Variants in DAP3 observed in about 807,000 individuals in gnomAD.
DAP3 encodes the protein small ribosomal subunit protein mS29.
A neutral mutation model predicts 51.9 loss-of-function variants in DAP3; 28 were observed. The observed-to-expected ratio is 0.54, with a 90% CI of 0.40 to 0.74. The LOEUF is 0.74. Among genes scored for constraint, DAP3 ranks in the 30% least tolerant of loss-of-function variants. The probability of loss-of-function intolerance (pLI) is 0.00; values close to 1 mark genes in which losing one functional copy is unlikely to be tolerated. For synonymous variants in DAP3, 170 were observed against 170.3 expected (o/e 1.00, Z 0.01); for missense variants, 458 against 483.5 (o/e 0.95, Z 0.49).
At chr1:155,726,174 C>T (rs1215456085) in intron 6 of DAP3, 155 bp downstream of exon 6, 15 of 556,490 alleles carry the variant, frequency 2.7e-5, no homozygotes, top group South Asian at 2.0e-4. Context: ...AGTGCAGAGG[C>T]GCAATCTCAG....
At chr1:155,698,801 G>C (rs1409840209) in intron 1 of DAP3, among the ~76,000 whole-genome samples, 1 of 152,090 alleles carries the variant, frequency 6.6e-6, no homozygotes, top group Non-Finnish European at 1.5e-5. Flanking sequence ...TCAAATACAT[G>C]GCGTACTTAC....
At chr1:155,719,705 G>C (rs770322368) in intron 3 of DAP3, among the ~76,000 whole-genome samples, 2 of 151,482 alleles carry the variant, frequency 1.3e-5, no homozygotes, top group Non-Finnish European at 2.9e-5. Flanking sequence ...CTGCCACCGT[G>C]CCTGGCTAAT....
At chr1:155,726,141 T>G in intron 6 of DAP3, 122 bp downstream of exon 6, 1 of 842,868 alleles carries the variant, frequency 1.2e-6, no homozygotes, top group Non-Finnish European at 1.8e-6. Flanking sequence ...GAGATGGAGT[T>G]TCGCTCTTGT....
chr1:155,701,052 G>T (rs1311917563), intron 1 of DAP3, among the ~76,000 whole-genome samples: 5 of 93,940 alleles, frequency 5.3e-5, no homozygotes, highest in East Asian at 7.3e-4. Context: ...GGAGGGAGGT[G>T]GGGGGGGGTC....
At chr1:155,737,621 A>G (rs1012854015) in intron 12 of DAP3, among the ~76,000 whole-genome samples, 1 of 152,176 alleles carries the variant, frequency 6.6e-6, no homozygotes, top group Admixed American at 6.6e-5. Flanking sequence ...CTATCACTAG[A>G]TAATAGAGTT....
At chr1:155,704,578 G>A (rs1265188450) in intron 1 of DAP3, among the ~76,000 whole-genome samples, 4 of 152,206 alleles carry the variant, frequency 2.6e-5, no homozygotes, top group Non-Finnish European at 5.9e-5. Flanking sequence ...CAGGCCAGTA[G>A]AGACCATCCC....
chr1:155,688,783 C>A, upstream of DAP3: 2 of 1,540,050 alleles, frequency 1.3e-6, no homozygotes, highest in South Asian at 1.2e-5. Flanking sequence ...ACACTCCTCG[C>A]GCGTGCGCCT....
At chr1:155,704,095 C>T (rs917056126) in intron 1 of DAP3, among the ~76,000 whole-genome samples, 1 of 152,042 alleles carries the variant, frequency 6.6e-6, no homozygotes, top group Non-Finnish European at 1.5e-5. Flanking sequence ...TGCAGTGAGC[C>T]TAGATTGTGC....
intron 1 of DAP3, among the ~76,000 whole-genome samples, chr1:155,700,850 C>T (rs113008265): frequency 1.0e-4 from 7 of 69,874 alleles, no homozygotes; most frequent in African/African-American, 3.2e-4. Context: ...CCCGGCCAGC[C>T]GCCCTGTCCG....
intron 4 of DAP3, among the ~76,000 whole-genome samples, chr1:155,724,679 A>C (rs1216815554): frequency 6.6e-6 from 1 of 151,770 alleles, no homozygotes; most frequent in Admixed American, 6.6e-5. Flanking sequence ...ATTTTAGGCC[A>C]GGTGCAGTGG....
intron 9 of DAP3, among the ~76,000 whole-genome samples, chr1:155,730,543 G>A (rs2149197339): frequency 6.6e-6 from 1 of 152,236 alleles, no homozygotes; most frequent in Non-Finnish European, 1.5e-5. Context: ...TTGAGCCCAA[G>A]AGGCAGAGCC....
chr1:155,737,098 T>G (rs1378951279), intron 12 of DAP3, 35 bp downstream of exon 12: 1 of 1,460,728 alleles, frequency 6.8e-7, no homozygotes, highest in South Asian at 1.1e-5. Flanking sequence ...CAGGGCTTTG[T>G]GATCACAGTA....
At position 155,707,032 on chromosome 1, in the gene DAP3, A is replaced by T. The variant is rs895748392; in HGVS notation, c.-7-2741A>T. Among the ~76,000 whole-genome samples, 5 of 152,212 alleles carry T rather than the reference A, an allele frequency of 3.3e-5. No homozygotes were observed. The East Asian group carries it at 9.6e-4, about 29-fold the overall frequency. On this transcript the variant is annotated intron_variant, in intron 1 of 12. Coordinates refer to ENST00000368336, the MANE Select transcript of DAP3 (RefSeq NM_004632.4). ...CTTTAACCCGGGAGGTGGAGGTTGC[A>T]GTGAGCCGGGATCATGCCATTGCAC...
At chr1:155,704,645 T>C (rs1362090787) in intron 1 of DAP3, among the ~76,000 whole-genome samples, 2 of 152,214 alleles carry the variant, frequency 1.3e-5, no homozygotes, top group African/African-American at 2.4e-5. Context: ...GCATGTCATA[T>C]GCTTCTTGAA....
Position 155,731,425 on chromosome 1 carries a change from T to C in DAP3, c.903+10T>C. ...GATGAAAAATGATTGGGTAAGTGCA[T>C]ATGATACCTCACACATTTCAGAAAG... is the stretch of plus-strand genomic sequence containing the variant. On this transcript the variant is annotated intron_variant, in intron 10 of 12. Coordinates refer to ENST00000368336, the MANE Select transcript of DAP3 (RefSeq NM_004632.4). 1.9e-6 allele frequency: 3 copies of C among 1,613,194 alleles called. No homozygotes were observed. Among genetic ancestry groups the C allele is most frequent in the Non-Finnish European group, 2.5e-6 (3 of 1,179,222 alleles).
At position 155,689,095 on chromosome 1, in the gene DAP3, T is replaced by A. The variant is rs1484971610; in HGVS notation, c.-87T>A. The A allele has an allele frequency of 2.2e-6, 3 of 1,385,560 alleles. No homozygotes were observed. Among genetic ancestry groups the A allele is most frequent in the Non-Finnish European group, 2.0e-6 (2 of 1,014,008 alleles). The allele number at this position is 1,385,560 out of a possible 1,614,324, so 85.8% of individuals were successfully genotyped here. ...CGGATGACCCGACCCTTTTTTGCAG[T>A]CTCAGGACGGGCGCTTTGGAGCCGG... On this transcript the variant is annotated 5_prime_UTR_variant, in exon 1 of 13. Coordinates refer to ENST00000368336, the MANE Select transcript of DAP3 (RefSeq NM_004632.4).
intron 2 of DAP3, 45 bp from the exon 3 acceptor site, chr1:155,716,961 A>G (rs1657409133): frequency 1.9e-6 from 3 of 1,578,662 alleles, no homozygotes; most frequent in Non-Finnish European, 1.7e-6. Flanking sequence ...AAAAAAAAAA[A>G]AAAAGTTTGA....
chr1:155,711,738 A>G (rs2149152016), intron 2 of DAP3, among the ~76,000 whole-genome samples: 1 of 151,634 alleles, frequency 6.6e-6, no homozygotes, highest in East Asian at 1.9e-4. Flanking sequence ...GGCCGTGAGC[A>G]AGCTGAGGAG....
intron 1 of DAP3, among the ~76,000 whole-genome samples, chr1:155,697,539 A>C (rs954997434): frequency 2.6e-5 from 4 of 152,082 alleles, no homozygotes; most frequent in African/African-American, 9.7e-5. Flanking sequence ...GAGCCGCAAA[A>C]CCAGCAAGTT....
Sources: gnomAD v4.1 joint callset for allele counts (sites outside exome capture counted in the v4.1 genomes callset) on GRCh38, gnomAD v4.1.1 for gene constraint, MANE v1.5 for transcripts, NCBI Gene and HGNC (gene_info 2026-07-23, HGNC 2026-07-21) for gene names.